The following CHCHD3 variants were observed in gnomAD, a reference collection of about 807,000 sequenced individuals.
The protein encoded by CHCHD3 is coiled-coil-helix-coiled-coil-helix domain containing 3, also known as MICOS complex subunit MIC19.
Under a neutral mutation model 38.2 loss-of-function variants are expected in CHCHD3, and 20 were observed. The ratio of observed to expected loss-of-function variants is 0.52; its 90% CI spans 0.37 to 0.76. The LOEUF (loss-of-function observed/expected upper bound fraction) is 0.76, where lower values mean the gene tolerates loss of function less well. Among genes scored for constraint, CHCHD3 ranks in the 30% least tolerant of loss-of-function variants. The pLI, the probability that CHCHD3 is intolerant of heterozygous loss-of-function variation, is 0.00. For synonymous variants in CHCHD3, 82 were observed against 100.0 expected (o/e 0.82, Z 1.07); for missense variants, 245 against 279.2 (o/e 0.88, Z 0.87).
At chr7:132,806,229 A>C (rs529667913) in intron 6 of CHCHD3, among the ~76,000 whole-genome samples, 1 of 152,344 alleles carries the variant, frequency 6.6e-6, no homozygotes, top group South Asian at 2.1e-4. Context: ...TGGCCAAGGA[A>C]TGTGCTCCAT....
chr7:132,802,430 T>A (rs1014159536), intron 6 of CHCHD3, among the ~76,000 whole-genome samples: 3 of 152,124 alleles, frequency 2.0e-5, no homozygotes, highest in African/African-American at 7.2e-5. Flanking sequence ...GATCCCACTG[T>A]ATGGGCTCAC....
At chr7:132,980,182 C>G (rs529934535) in intron 3 of CHCHD3, among the ~76,000 whole-genome samples, 1 of 152,286 alleles carries the variant, frequency 6.6e-6, no homozygotes, top group African/African-American at 2.4e-5. Flanking sequence ...AAATCAGAAG[C>G]CATGTTGTTT....
Position 132,857,877 on chromosome 7 carries a change from T to C in CHCHD3, c.454-19408A>G, listed in dbSNP as rs1189832667. On this transcript the variant is annotated intron_variant, in intron 5 of 7. Coordinates refer to ENST00000262570, the MANE Select transcript of CHCHD3 (RefSeq NM_017812.4). ...GGAGCTGAAGGAGAGTAAAGTCATT[T>C]AGAGGCTCAACTACTTTAGTCCAGC... 5.3e-5 allele frequency among the ~76,000 whole-genome samples: 8 copies of C among 152,178 alleles called. 1 individual carries two copies. Among genetic ancestry groups the C allele is most frequent in the Non-Finnish European group, 1.5e-5 (1 of 68,028 alleles).
chr7:133,037,665 T>C (rs1813717024), intron 2 of CHCHD3, among the ~76,000 whole-genome samples: 1 of 151,872 alleles, frequency 6.6e-6, no homozygotes, highest in Non-Finnish European at 1.5e-5. Context: ...GTACAAAAAT[T>C]AGCCAGGCGT....
chr7:133,046,574 G>C (rs1037753554), intron 2 of CHCHD3, among the ~76,000 whole-genome samples: 2 of 34,908 alleles, frequency 5.7e-5, no homozygotes, highest in Non-Finnish European at 1.0e-4. Context: ...TTTTTTTGGG[G>C]GGGGGAGACG....
chr7:132,943,431 T>A (rs1240484998), intron 4 of CHCHD3, among the ~76,000 whole-genome samples: 1 of 152,060 alleles, frequency 6.6e-6, no homozygotes, highest in African/African-American at 2.4e-5. Flanking sequence ...TAATTCTACA[T>A]GAGAACTTAA....
chr7:132,872,441 C>T (rs775799189), intron 5 of CHCHD3, among the ~76,000 whole-genome samples: 38 of 152,154 alleles, frequency 2.5e-4, no homozygotes, highest in Admixed American at 6.5e-4. Flanking sequence ...GATTTGGCTT[C>T]GCTTGTGACT....
intron 3 of CHCHD3, among the ~76,000 whole-genome samples, chr7:133,020,967 G>A (rs992689747): frequency 1.4e-5 from 2 of 146,518 alleles, no homozygotes; most frequent in Non-Finnish European, 3.0e-5. Flanking sequence ...TAAGAGGGGG[G>A]CCGGCGGGCA....
At chr7:132,826,714 A>G (rs1000297311) in intron 6 of CHCHD3, among the ~76,000 whole-genome samples, 1 of 152,244 alleles carries the variant, frequency 6.6e-6, no homozygotes, top group South Asian at 2.1e-4. Flanking sequence ...CAAGTTTTCA[A>G]GCATTCTGCC....
chr7:132,803,309 T>C (rs527699953), intron 6 of CHCHD3, among the ~76,000 whole-genome samples: 1 of 152,194 alleles, frequency 6.6e-6, no homozygotes, highest in East Asian at 1.9e-4. Context: ...GACCAAACTT[T>C]TTATTTGAAT....
chr7:133,011,933 T>C (rs1342501841), intron 3 of CHCHD3, among the ~76,000 whole-genome samples: 2 of 152,232 alleles, frequency 1.3e-5, no homozygotes, highest in Admixed American at 6.5e-5. Context: ...GAATGGTTGA[T>C]TGATTAATTG....
chr7:132,898,989 C>G (rs748016678), intron 4 of CHCHD3, among the ~76,000 whole-genome samples: 8 of 152,210 alleles, frequency 5.3e-5, no homozygotes, highest in African/African-American at 1.9e-4. Context: ...GCGCCTCCCC[C>G]TCCACACCTC....
intron 2 of CHCHD3, among the ~76,000 whole-genome samples, chr7:133,032,379 G>A (rs1813528279): frequency 1.3e-5 from 2 of 152,258 alleles, no homozygotes; most frequent in East Asian, 3.9e-4. Context: ...GTTCTGCACT[G>A]CACATTCATA....
intron 3 of CHCHD3, among the ~76,000 whole-genome samples, chr7:133,013,200 A>C (rs2117416397): frequency 6.8e-6 from 1 of 146,706 alleles, no homozygotes; most frequent in African/African-American, 2.5e-5. Flanking sequence ...AAAAAAAAAA[A>C]AAAAAACATT....
At chr7:133,034,482 A>T in intron 2 of CHCHD3, 2 of 828,112 alleles carry the variant, frequency 2.4e-6, no homozygotes, top group South Asian at 1.9e-5. Context: ...AATTCTTTTC[A>T]AGTCCTTTCA....
chr7:133,020,968 C>G (rs915802582), intron 3 of CHCHD3, among the ~76,000 whole-genome samples: 2 of 148,958 alleles, frequency 1.3e-5, no homozygotes, highest in Non-Finnish European at 3.0e-5. Context: ...AAGAGGGGGG[C>G]CGGCGGGCAG....
chr7:133,012,821 G>A (rs995568850), intron 3 of CHCHD3, among the ~76,000 whole-genome samples: 4 of 114,582 alleles, frequency 3.5e-5, no homozygotes, highest in Non-Finnish European at 5.4e-5. Flanking sequence ...AGAGGGGAGG[G>A]GAAGGGAGGG....
chr7:132,856,045 T>A (rs543371336), intron 5 of CHCHD3, among the ~76,000 whole-genome samples: 12 of 152,336 alleles, frequency 7.9e-5, no homozygotes, highest in Non-Finnish European at 1.8e-4. Context: ...AGAATTGTTC[T>A]TAGAAAGATC....
At chr7:132,871,995 C>T (rs935750872) in intron 5 of CHCHD3, among the ~76,000 whole-genome samples, 3 of 152,148 alleles carry the variant, frequency 2.0e-5, no homozygotes, top group Non-Finnish European at 2.9e-5. Flanking sequence ...GCAGAGAGAA[C>T]GCAAGCATGG....
Sources: allele counts gnomAD v4.1 joint callset (sites outside exome capture counted in the v4.1 genomes callset), GRCh38; gene constraint gnomAD v4.1.1; transcripts MANE v1.5; gene names NCBI Gene and HGNC (gene_info 2026-07-23, HGNC 2026-07-21).